PKD1L1: variants seen among roughly 807,000 people sequenced by gnomAD.
The protein encoded by PKD1L1 is polycystin-1-like protein 1.
Under a neutral mutation model 323.4 loss-of-function variants are expected in PKD1L1, and 236 were observed. The observed-to-expected ratio is 0.73, with a 90% CI of 0.66 to 0.81. PKD1L1 has a LOEUF of 0.81. Among genes scored for constraint, PKD1L1 ranks in the 40% least tolerant of loss-of-function variants. The probability of loss-of-function intolerance (pLI) is 0.00; values close to 1 mark genes in which losing one functional copy is unlikely to be tolerated. For missense variants in PKD1L1, 3,320 were observed against 3,508.0 expected, an observed-to-expected ratio of 0.95 and a Z score of 1.35; for synonymous variants, 1,344 against 1,335.0, an observed-to-expected ratio of 1.01 and a Z score of -0.15.
intron 52 of PKD1L1, among the ~76,000 whole-genome samples, chr7:47,805,793 C>T (rs1424059679): frequency 6.6e-6 from 1 of 152,162 alleles, no homozygotes; most frequent in African/African-American, 2.4e-5. Context: ...ATGTGAGTGA[C>T]CTTGAGCCAG....
intron 8 of PKD1L1, among the ~76,000 whole-genome samples, 184 bp from the exon 9 acceptor site, chr7:47,908,434 C>A (rs1447566941): frequency 6.6e-6 from 1 of 152,174 alleles, no homozygotes. Context: ...TTGCACAGAG[C>A]CCCTCACGCA....
intron 2 of PKD1L1, among the ~76,000 whole-genome samples, chr7:47,942,397 T>C (rs1187498794): frequency 1.3e-5 from 2 of 152,142 alleles, no homozygotes; most frequent in African/African-American, 4.8e-5. Flanking sequence ...GGCGTTGCAT[T>C]GTTTCAACAT....
At position 47,833,063 on chromosome 7, in the gene PKD1L1, G is replaced by T; in HGVS notation, c.6337+27C>A. The T allele has an allele frequency of 2.5e-6, 4 of 1,595,998 alleles. No homozygotes were observed. In the South Asian group the frequency reaches 4.6e-5, roughly 18 times the overall value. On this transcript the variant is annotated intron_variant, in intron 41 of 56. Coordinates refer to ENST00000289672, the MANE Select transcript of PKD1L1 (RefSeq NM_138295.5). Reference sequence around the variant, plus strand: ...GCAGGTCTGCTGGACTGGCAGGAAGGGGGCTGTGGTTGCAAGCCACAGTTA... The same window carrying T: ...GCAGGTCTGCTGGACTGGCAGGAAGTGGGCTGTGGTTGCAAGCCACAGTTA...
intron 2 of PKD1L1, among the ~76,000 whole-genome samples, chr7:47,940,840 G>A (rs1787971910): frequency 6.6e-6 from 1 of 152,214 alleles, no homozygotes; most frequent in Admixed American, 6.5e-5. Flanking sequence ...AGGCCGGGCA[G>A]TGAGCGGAGC....
At chr7:47,930,858 G>A (rs1000195864) in intron 6 of PKD1L1, among the ~76,000 whole-genome samples, 1 of 152,096 alleles carries the variant, frequency 6.6e-6, no homozygotes, top group Non-Finnish European at 1.5e-5. Context: ...TACACAGTCA[G>A]ACAAAGCTTT....
Position 47,923,146 on chromosome 7 carries a change from G to C in PKD1L1, c.1060+6058C>G, listed in dbSNP as rs1019295265. On this transcript the variant is annotated intron_variant, in intron 7 of 56. Transcript: ENST00000289672. Reference sequence around the variant, plus strand: ...TGCTTGAAGGCAGCATACTCGTTAAGAGTCGTCACCACTCCCTAATCTCAA... The same window carrying C: ...TGCTTGAAGGCAGCATACTCGTTAACAGTCGTCACCACTCCCTAATCTCAA... Among the ~76,000 whole-genome samples, 4 of 152,070 alleles carry C rather than the reference G, an allele frequency of 2.6e-5. 1 individual carries two copies. Among genetic ancestry groups the C allele is most frequent in the Non-Finnish European group, 5.9e-5 (4 of 68,022 alleles).
Position 47,878,920 on chromosome 7 carries a change from G to A in PKD1L1, c.3521-1289C>T, listed in dbSNP as rs755429186. On this transcript the variant is annotated intron_variant, in intron 21 of 56. Transcript: ENST00000289672. ...ACTGACCAGGCTGGTGGGCCATGGA[G>A]AGACTCTCATGTGTCTCCTGCACCA... 1.2e-4 allele frequency among the ~76,000 whole-genome samples: 19 copies of A among 152,242 alleles called. 1 individual carries two copies. Among genetic ancestry groups the A allele is most frequent in the Non-Finnish European group, 1.3e-4 (9 of 68,044 alleles).
intron 28 of PKD1L1, 47 bp downstream of exon 28, chr7:47,857,558 A>T (rs1196897151): frequency 6.5e-7 from 1 of 1,537,022 alleles, no homozygotes; most frequent in South Asian, 1.2e-5. Flanking sequence ...AATTACTGCA[A>T]ATTTGAAATG....
intron 23 of PKD1L1, 116 bp downstream of exon 23, chr7:47,875,981 A>T: frequency 1.7e-6 from 2 of 1,166,270 alleles, no homozygotes; most frequent in Non-Finnish European, 2.4e-6. Context: ...GAAAAGCATT[A>T]AACTGATCAA....
Position 47,812,019 on chromosome 7 carries a change from C to G in PKD1L1, c.7379G>C (p.Arg2460Thr), listed in dbSNP as rs1326650324. 1.5e-5 allele frequency: 24 copies of G among 1,576,230 alleles called. No homozygotes were observed. Among genetic ancestry groups the G allele is most frequent in the Non-Finnish European group, 2.0e-5 (23 of 1,160,910 alleles). The change falls in exon 50 of 57, where the codon AGG (arginine) becomes ACG (threonine). Residue 2460 changes from arginine to threonine, a missense_variant. By Grantham distance (71) the Arg-to-Thr change is moderately conservative. Coordinates refer to ENST00000289672, the MANE Select transcript of PKD1L1 (RefSeq NM_138295.5). ...GCTGCGGTCAATCCACATGCTGGCC[C>G]TGAGTCGGGACAGGGCTGTGTGGGC... ...TEAHTALSRLRASMWIDRSTR... is the reference protein window; with the variant it reads ...TEAHTALSRLTASMWIDRSTR...
At chr7:47,947,091 GA>G (rs1357797038) in intron 1 of PKD1L1, among the ~76,000 whole-genome samples, 19 of 152,098 alleles carry the variant, frequency 1.2e-4, no homozygotes, top group Admixed American at 1.2e-3. Context: ...AAAAATAAGG[GA>G]AAAAATTGTA....
rs1286902882 is a variant in PKD1L1, at chr7:47,905,975, A to G, written c.1403-13T>C. On this transcript the variant is annotated splice_polypyrimidine_tract_variant and intron_variant, in intron 9 of 56. Coordinates refer to ENST00000289672, the MANE Select transcript of PKD1L1 (RefSeq NM_138295.5). ...ATAACCACAGTGCCTAAAATGAGAA[A>G]AAAAGGAGATAAGAGAAAAAGTCTT... is the stretch of plus-strand genomic sequence containing the variant. 7 of 1,574,156 alleles carry G rather than the reference A, an allele frequency of 4.4e-6. No homozygotes were observed. The highest frequency in any genetic ancestry group is 6.0e-6 in the Non-Finnish European group (7 of 1,162,558).
chr7:47,779,241 G>A (rs957185908), intron 56 of PKD1L1, among the ~76,000 whole-genome samples: 1 of 152,168 alleles, frequency 6.6e-6, no homozygotes, highest in Non-Finnish European at 1.5e-5. Flanking sequence ...AATCAAGCAG[G>A]CCCCATCACC....
In PKD1L1 at chr7:47,874,009, G is replaced by C; in HGVS notation, c.3786C>G (p.Val1262=). ...CATCTGTGATTTCAGTGGAAACCAT[G>C]ACTGTGAGGGAACATGTCAGAAGAG... ...PAGEHLDNYK[V]MVSTEITDGK... The change falls in exon 24 of 57, where the codon GTC becomes GTG. Residue 1262 remains valine, a splice_region_variant and synonymous_variant. Coordinates refer to ENST00000289672, the MANE Select transcript of PKD1L1 (RefSeq NM_138295.5). 6.3e-7 allele frequency: 1 copy of C among 1,595,218 alleles called. No homozygotes were observed. The highest frequency in any genetic ancestry group is 8.6e-7 in the Non-Finnish European group (1 of 1,163,714).
At chr7:47,818,283 G>C (rs563166798) in intron 46 of PKD1L1, 2 of 1,061,446 alleles carry the variant, frequency 1.9e-6, no homozygotes, top group Non-Finnish European at 2.4e-6. Flanking sequence ...AAGGGCGGGA[G>C]GGTAGGAAAG....
chr7:47,857,245 G>A (rs149907108), intron 28 of PKD1L1, among the ~76,000 whole-genome samples: 254 of 152,292 alleles, frequency 1.7e-3, no homozygotes, highest in African/African-American at 5.8e-3. Flanking sequence ...TATCTTCATC[G>A]TTCTAAAGAC....
intron 12 of PKD1L1, 43 bp downstream of exon 12, chr7:47,904,335 G>C: frequency 6.2e-7 from 1 of 1,611,490 alleles, no homozygotes; most frequent in Non-Finnish European, 8.5e-7. Flanking sequence ...TCTGATTCCC[G>C]CGCTGTCTGT....
intron 41 of PKD1L1, among the ~76,000 whole-genome samples, chr7:47,832,554 C>T (rs1420115918): frequency 2.0e-5 from 3 of 152,218 alleles, no homozygotes; most frequent in African/African-American, 4.8e-5. Context: ...GAGCTGGAGC[C>T]TCGAGAAAAC....
At chr7:47,846,574 G>A (rs1007144639) in intron 32 of PKD1L1, among the ~76,000 whole-genome samples, 1 of 152,176 alleles carries the variant, frequency 6.6e-6, no homozygotes, top group Non-Finnish European at 1.5e-5. Flanking sequence ...CTCATCCACC[G>A]ACTCATGTCT....
Sources: gnomAD v4.1 joint callset for allele counts (sites outside exome capture counted in the v4.1 genomes callset) on GRCh38, gnomAD v4.1.1 for gene constraint, MANE v1.5 for transcripts, NCBI Gene and HGNC (gene_info 2026-07-23, HGNC 2026-07-21) for gene names.